AFF1: variants seen among roughly 807,000 people sequenced by gnomAD.
AFF1 encodes the protein ALF transcription elongation factor 1, also known as AF4/FMR2 family member 1.
AFF1 carries 48 observed loss-of-function variants against 121.7 expected under a neutral mutation model. That is an observed-to-expected ratio of 0.39 (90% CI 0.31 to 0.50). The LOEUF (loss-of-function observed/expected upper bound fraction) is 0.50. AFF1 is among the 20% of genes least tolerant of loss of function. The pLI is 0.76. For missense variants in AFF1, 1,523 were observed against 1,511.7 expected, an observed-to-expected ratio of 1.01 and a Z score of -0.12; for synonymous variants, 613 against 563.0, an observed-to-expected ratio of 1.09 and a Z score of -1.26.
At chr4:87,105,456 T>G (rs1286346623) in intron 8 of AFF1, among the ~76,000 whole-genome samples, 172 bp from the exon 9 acceptor site, 1 of 152,244 alleles carries the variant, frequency 6.6e-6, no homozygotes, top group African/African-American at 2.4e-5. Flanking sequence ...ACATTGTAAT[T>G]GTATAATTGT....
chr4:87,073,477 A>G lies in AFF1; in HGVS notation c.1060-10643A>G, dbSNP rs551461780. On this transcript the variant is annotated intron_variant, in intron 4 of 20. Transcript: ENST00000395146. Reference sequence around the variant, plus strand: ...TATATGCCTCTAGCCTACCACTTCAATAATTTTCTGTCCTTTTTTCCCCCG... The same window carrying G: ...TATATGCCTCTAGCCTACCACTTCAGTAATTTTCTGTCCTTTTTTCCCCCG... 8.5e-5 allele frequency among the ~76,000 whole-genome samples: 13 copies of G among 152,140 alleles called. No homozygotes were observed. In the South Asian group the frequency reaches 1.7e-3, roughly 19 times the overall value.
At position 86,944,905 on chromosome 4, in the gene AFF1, ATTGT is replaced by A. The variant is rs371147504; in HGVS notation, c.-36-3589_-36-3586del. ...GTGTATACACACTCTTGAATTATGAATTGTTTGAGGAAGAAAAGCAGTTTGATAC... is the reference window on the plus strand; with the variant it reads ...GTGTATACACACTCTTGAATTATGAATTGAGGAAGAAAAGCAGTTTGATAC... On this transcript the variant is annotated intron_variant, in intron 1 of 20. Transcript: ENST00000395146. Among the ~76,000 whole-genome samples, 304 of 152,294 alleles carry A rather than the reference ATTGT, an allele frequency of 2.0e-3. 4 individuals are homozygous for A. Among genetic ancestry groups the A allele is most frequent in the East Asian group, 0.014 (71 of 5,186 alleles).
intron 12 of AFF1, among the ~76,000 whole-genome samples, chr4:87,121,510 G>A (rs983769592): frequency 1.3e-5 from 2 of 152,160 alleles, no homozygotes; most frequent in South Asian, 2.1e-4. Context: ...GACAAATACC[G>A]AGTGCCTACT....
At chr4:86,983,208 T>C (rs1723913148) in intron 2 of AFF1, among the ~76,000 whole-genome samples, 1 of 151,986 alleles carries the variant, frequency 6.6e-6, no homozygotes, top group Non-Finnish European at 1.5e-5. Flanking sequence ...CTGGCCAACA[T>C]GATGAAACCC....
At position 87,051,226 on chromosome 4, in the gene AFF1, T is replaced by G. The variant is rs150482976; in HGVS notation, c.1059+3632T>G. Among the ~76,000 whole-genome samples the G allele has an allele frequency of 5.1e-4, 78 of 152,272 alleles. 1 individual carries two copies. The East Asian group carries it at 0.01, about 20-fold the overall frequency. On this transcript the variant is annotated intron_variant, in intron 4 of 20. Transcript: ENST00000395146. ...AGCCAGAGCTAGAACACCCAGTTCT[T>G]TTGACTTGCTGTTTGGTGGCAGCAT...
chr4:87,066,059 A>T (rs145649622), intron 4 of AFF1, among the ~76,000 whole-genome samples: 1 of 152,162 alleles, frequency 6.6e-6, no homozygotes, highest in African/African-American at 2.4e-5. Context: ...GTTCATGGAG[A>T]TTTCCTTCAT....
chr4:87,004,085 G>A (rs891083242), intron 2 of AFF1, among the ~76,000 whole-genome samples: 6 of 152,118 alleles, frequency 3.9e-5, no homozygotes, highest in Non-Finnish European at 8.8e-5. Context: ...CACCCCACAA[G>A]GATTCTATTT....
intron 8 of AFF1, among the ~76,000 whole-genome samples, chr4:87,095,857 C>T (rs1724783509): frequency 6.6e-6 from 1 of 151,980 alleles, no homozygotes; most frequent in Non-Finnish European, 1.5e-5. Flanking sequence ...AGTGAGGAGG[C>T]CTTCCTCCAG....
chr4:87,135,566 TG>T lies in AFF1; in HGVS notation c.3536-13del, dbSNP rs778773663. The T allele has an allele frequency of 2.6e-5, 39 of 1,481,920 alleles. No individual in the cohort carries two copies. Among genetic ancestry groups the T allele is most frequent in the Admixed American group, 5.0e-5 (2 of 39,624 alleles). The allele number at this position is 1,481,920 out of a possible 1,614,324, so 91.8% of individuals were successfully genotyped here. The stretch of plus-strand genomic sequence containing the variant: ...GTATTTACTTGTTTTTGTTTTGTTT[TG>T]TTTTTTTTGCAGAATTCTTTGCTCG... On this transcript the variant is annotated splice_polypyrimidine_tract_variant and intron_variant, in intron 20 of 20. Coordinates refer to ENST00000395146, the MANE Select transcript of AFF1 (RefSeq NM_001166693.3).
intron 12 of AFF1, among the ~76,000 whole-genome samples, chr4:87,116,344 G>A (rs966987908): frequency 6.6e-6 from 1 of 151,804 alleles, no homozygotes; most frequent in Non-Finnish European, 1.5e-5. Context: ...AATCACTTGA[G>A]TTCCTGTTCT....
intron 4 of AFF1, among the ~76,000 whole-genome samples, chr4:87,051,704 A>G (rs1188767960): frequency 6.6e-6 from 1 of 151,954 alleles, no homozygotes; most frequent in Admixed American, 6.6e-5. Flanking sequence ...TCTTGACTTC[A>G]TGATCCGCCC....
At chr4:87,007,406 T>C (rs374112136) in intron 2 of AFF1, 229 of 1,614,090 alleles carry the variant, frequency 1.4e-4, no homozygotes, top group Middle Eastern at 9.9e-4. Context: ...ATAAGCTGAA[T>C]TATGGCAGCC....
At chr4:87,011,996 TA>T (rs1479362169) in intron 2 of AFF1, among the ~76,000 whole-genome samples, 1 of 152,208 alleles carries the variant, frequency 6.6e-6, no homozygotes, top group Non-Finnish European at 1.5e-5. Flanking sequence ...GTGCTGCATC[TA>T]AAAATTTTAA....
intron 3 of AFF1, 136 bp downstream of exon 3, chr4:87,046,422 G>A (rs779799873): frequency 2.3e-6 from 3 of 1,322,378 alleles, no homozygotes; most frequent in Non-Finnish European, 3.1e-6. Context: ...ACTTATTCTA[G>A]AGATTTTTGA....
At chr4:87,019,769 T>C (rs762178104) in intron 2 of AFF1, among the ~76,000 whole-genome samples, 3 of 152,150 alleles carry the variant, frequency 2.0e-5, no homozygotes, top group African/African-American at 7.2e-5. Context: ...AGTAGGTGTT[T>C]CCTTGAGTTC....
At chr4:86,966,554 A>C (rs1264868773) in intron 2 of AFF1, among the ~76,000 whole-genome samples, 1 of 151,264 alleles carries the variant, frequency 6.6e-6, no homozygotes, top group Non-Finnish European at 1.5e-5. Context: ...AATATTGTGT[A>C]TATTTTGAAG....
intron 2 of AFF1, among the ~76,000 whole-genome samples, chr4:87,013,042 T>G (rs796994145): frequency 1.8e-4 from 22 of 121,530 alleles, no homozygotes; most frequent in African/African-American, 9.7e-4. Context: ...CTTTTTTTTT[T>G]TTTTTTTTTT....
At chr4:87,007,601 C>T (rs1235481595) in intron 2 of AFF1, among the ~76,000 whole-genome samples, 5 of 152,196 alleles carry the variant, frequency 3.3e-5, no homozygotes, top group African/African-American at 1.2e-4. Context: ...GTTTGGAGAA[C>T]ATGCTGGACA....
At chr4:86,995,275 TCCCCCTCTCCCTCC>T (rs1725033829) in intron 2 of AFF1, among the ~76,000 whole-genome samples, 1 of 13,022 alleles carries the variant, frequency 7.7e-5, no homozygotes, top group African/African-American at 2.0e-4. Flanking sequence ...CCCTTCCCCC[TCCCCCTCTCCCTCC>T]CCCTCTCCCT....
Sources: gnomAD v4.1 joint callset for allele counts (sites outside exome capture counted in the v4.1 genomes callset) on GRCh38, gnomAD v4.1.1 for gene constraint, MANE v1.5 for transcripts, NCBI Gene and HGNC (gene_info 2026-07-23, HGNC 2026-07-21) for gene names.